Variants in PHTF2 observed in about 807,000 individuals in gnomAD.
PHTF2 encodes the protein putative homeodomain transcription factor 2.
A neutral mutation model predicts 101.2 loss-of-function variants in PHTF2; 60 were observed. The observed-to-expected ratio is 0.59, with a 90% CI of 0.48 to 0.73. The LOEUF (loss-of-function observed/expected upper bound fraction) is 0.73. PHTF2 is among the 30% of genes least tolerant of loss of function. The probability of loss-of-function intolerance (pLI) is 0.00; values close to 1 mark genes in which losing one functional copy is unlikely to be tolerated. For missense variants in PHTF2, 747 were observed against 908.7 expected (o/e 0.82, Z 2.29); for synonymous variants, 311 against 307.3 (o/e 1.01, Z -0.13).
chr7:77,891,076 T>C (rs1007532324), intron 3 of PHTF2, among the ~76,000 whole-genome samples: 5 of 151,414 alleles, frequency 3.3e-5, no homozygotes, highest in Admixed American at 3.3e-4. Context: ...CCCAGCTAAT[T>C]TATTGTGTTT....
At chr7:77,910,019 ACT>A (rs1562939539) in intron 8 of PHTF2, 1 of 384,008 alleles carries the variant, frequency 2.6e-6, no homozygotes, top group East Asian at 4.4e-5. Flanking sequence ...TCTTCTGTCC[ACT>A]GACCTGCCAC....
chr7:77,922,306 C>A (rs1028004596), intron 10 of PHTF2, among the ~76,000 whole-genome samples: 1 of 152,090 alleles, frequency 6.6e-6, no homozygotes, highest in Non-Finnish European at 1.5e-5. Context: ...AGATTACAGG[C>A]TTGAGCCACT....
chr7:77,885,189 G>T (rs1187912345), intron 3 of PHTF2, among the ~76,000 whole-genome samples: 5 of 152,018 alleles, frequency 3.3e-5, no homozygotes, highest in African/African-American at 4.8e-5. Flanking sequence ...GAACTCCTGG[G>T]CTCAATAAAT....
chr7:77,933,372 A>G (rs530968836), intron 12 of PHTF2, among the ~76,000 whole-genome samples: 20 of 152,330 alleles, frequency 1.3e-4, no homozygotes, highest in African/African-American at 4.6e-4. Flanking sequence ...GAAATCAGGA[A>G]GGGACTGATA....
exon 8 of PHTF2, chr7:77,908,944 G>A (rs1239026235): frequency 6.3e-7 from 1 of 1,596,682 alleles, no homozygotes. Context: ...TAAGTACAGG[G>A]GGTAAAAGAA....
At chr7:77,948,148 C>A (rs988236072) in intron 16 of PHTF2, among the ~76,000 whole-genome samples, 4 of 151,938 alleles carry the variant, frequency 2.6e-5, no homozygotes, top group Non-Finnish European at 4.4e-5. Flanking sequence ...CCTAATTTTT[C>A]TTTTTGTTTT....
At chr7:77,872,271 A>G (rs1415898416) in intron 3 of PHTF2, among the ~76,000 whole-genome samples, 1 of 152,128 alleles carries the variant, frequency 6.6e-6, no homozygotes, top group Admixed American at 6.5e-5. Context: ...TCTCCACTTG[A>G]TTGTTAAAAT....
chr7:77,838,965 T>C (rs1475451355), intron 1 of PHTF2, among the ~76,000 whole-genome samples: 1 of 152,218 alleles, frequency 6.6e-6, no homozygotes, highest in Admixed American at 6.5e-5. Flanking sequence ...TTGATAATTT[T>C]TATTGTATCT....
chr7:77,802,707 T>C (rs527389332), intron 1 of PHTF2, among the ~76,000 whole-genome samples: 2 of 152,304 alleles, frequency 1.3e-5, no homozygotes, highest in East Asian at 3.9e-4. Flanking sequence ...GCTAATGTTT[T>C]AATTTTTATT....
intron 5 of PHTF2, among the ~76,000 whole-genome samples, chr7:77,897,147 T>C (rs1800943252): frequency 1.3e-5 from 2 of 151,942 alleles, no homozygotes; most frequent in South Asian, 4.1e-4. Flanking sequence ...ATAAAGTCAT[T>C]ACAGAGAAAA....
chr7:77,832,430 C>T (rs1384722432), intron 1 of PHTF2, among the ~76,000 whole-genome samples: 1 of 152,192 alleles, frequency 6.6e-6, no homozygotes, highest in Non-Finnish European at 1.5e-5. Flanking sequence ...AATAAGCCAG[C>T]TGTATCGACT....
In PHTF2 at chr7:77,890,904, C is replaced by CTTTT. The variant is rs11442975; in HGVS notation, c.148-2685_148-2682dup. On this transcript the variant is annotated intron_variant, in intron 3 of 19. Transcript: ENST00000416283. ...ACAGGCGTGAGCCACCGCACCCGGC[C>CTTTT]TTTTTTTTTTTTTTTTTTTTTTGAG... 4.2e-4 allele frequency among the ~76,000 whole-genome samples: 39 copies of CTTTT among 92,952 alleles called. 3 individuals carry two copies. The highest frequency in any genetic ancestry group is 1.5e-3 in the African/African-American group (30 of 20,254). 61.0% of individuals were successfully genotyped at this position (92,952 alleles called of 152,430 possible).
At chr7:77,867,690 C>G (rs899876511) in intron 3 of PHTF2, among the ~76,000 whole-genome samples, 7 of 152,144 alleles carry the variant, frequency 4.6e-5, no homozygotes, top group African/African-American at 1.7e-4. Context: ...CTAAGGAGTT[C>G]TGGTGTATCA....
At position 77,812,098 on chromosome 7, in the gene PHTF2, T is replaced by C. The variant is rs760246172; in HGVS notation, c.-36+13127T>C. ...TTCCAGGAATTACTTAGATCTTATC[T>C]GATGAGAAAAAGAACCTGGATGGTG... On this transcript the variant is annotated intron_variant, in intron 1 of 19. Transcript: ENST00000416283. Among the ~76,000 whole-genome samples, 130 of 152,320 alleles carry C rather than the reference T, an allele frequency of 8.5e-4. 2 individuals carry two copies. Among genetic ancestry groups the C allele is most frequent in the Non-Finnish European group, 3.7e-4 (25 of 68,022 alleles).
chr7:77,864,715 A>T (rs1368439777), intron 3 of PHTF2, among the ~76,000 whole-genome samples: 1 of 151,606 alleles, frequency 6.6e-6, no homozygotes, highest in Non-Finnish European at 1.5e-5. Context: ...TGGATTAGGT[A>T]TCTCCTCCTG....
chr7:77,904,999 A>AT (rs915921335), intron 7 of PHTF2, among the ~76,000 whole-genome samples: 22 of 152,076 alleles, frequency 1.4e-4, no homozygotes, highest in African/African-American at 3.9e-4. Context: ...ATTTTTTTTA[A>AT]TTTTTTTAAA....
chr7:77,853,222 G>T (rs1796905817), intron 2 of PHTF2, among the ~76,000 whole-genome samples: 1 of 151,782 alleles, frequency 6.6e-6, no homozygotes, highest in Admixed American at 6.6e-5. Flanking sequence ...CTTTTTGAGG[G>T]TATTTTCTAG....
intron 9 of PHTF2, among the ~76,000 whole-genome samples, chr7:77,916,465 G>A (rs988874712): frequency 6.6e-6 from 1 of 152,060 alleles, no homozygotes; most frequent in Non-Finnish European, 1.5e-5. Flanking sequence ...GAGCAACCAC[G>A]TTTTTGACCC....
intron 12 of PHTF2, among the ~76,000 whole-genome samples, chr7:77,932,583 A>G (rs996879369): frequency 8.1e-6 from 1 of 122,774 alleles, no homozygotes; most frequent in African/African-American, 2.8e-5. Flanking sequence ...AGAGAGAAAG[A>G]GGAAGAGAGA....
Sources: gnomAD v4.1 joint callset for allele counts (sites outside exome capture counted in the v4.1 genomes callset) on GRCh38, gnomAD v4.1.1 for gene constraint, MANE v1.5 for transcripts, NCBI Gene and HGNC (gene_info 2026-07-23, HGNC 2026-07-21) for gene names.